HDX: variants seen among roughly 807,000 people sequenced by gnomAD.
HDX encodes chromosome X open reading frame 43.
Under a neutral mutation model 45.2 loss-of-function variants are expected in HDX, and 19 were observed. The ratio of observed to expected loss-of-function variants is 0.42; its 90% CI spans 0.29 to 0.62. The LOEUF is 0.62. Among genes scored for constraint, HDX ranks in the 20% least tolerant of loss-of-function variants. The probability of loss-of-function intolerance (pLI) is 0.20; values close to 1 mark genes in which losing one functional copy is unlikely to be tolerated. For missense variants in HDX, 532 were observed against 493.9 expected, an observed-to-expected ratio of 1.08 and a Z score of -0.73; for synonymous variants, 188 against 172.8, an observed-to-expected ratio of 1.09 and a Z score of -0.69.
intron 6 of HDX, among the ~76,000 whole-genome samples, chrX:84,356,770 C>T (rs1449457711): frequency 9.2e-6 from 1 of 109,242 alleles, no homozygotes; most frequent in Non-Finnish European, 1.9e-5. Context: ...CTATAGGCGC[C>T]CGCCACCACG....
At chrX:84,383,502 T>C (rs1359556831) in intron 5 of HDX, among the ~76,000 whole-genome samples, 1 of 111,628 alleles carries the variant, frequency 9.0e-6, no homozygotes, top group Non-Finnish European at 1.9e-5. Context: ...ACGGTTATAT[T>C]CAGTAATAAG....
At chrX:84,336,076 A>T (rs998738264) in intron 8 of HDX, among the ~76,000 whole-genome samples, 19 of 110,503 alleles carry the variant, frequency 1.7e-4, no homozygotes, top group African/African-American at 5.2e-4. Flanking sequence ...CAAAAGCAAA[A>T]ACAAAAGGAC....
intron 5 of HDX, among the ~76,000 whole-genome samples, chrX:84,394,268 C>A (rs1413930493): frequency 1.8e-5 from 2 of 111,448 alleles, no homozygotes; most frequent in East Asian, 2.8e-4. Context: ...AGTCCAAATT[C>A]AAGAATATGT....
chrX:84,475,109 T>A, intron 3 of HDX, 142 bp downstream of exon 3: 1 of 460,098 alleles, frequency 2.2e-6, no homozygotes, highest in East Asian at 4.1e-5. Context: ...CCTATTTATT[T>A]TTAAAATAGT....
chrX:84,461,392 G>C (rs1326792768), intron 4 of HDX, among the ~76,000 whole-genome samples: 1 of 111,077 alleles, frequency 9.0e-6, no homozygotes, highest in Non-Finnish European at 1.9e-5. Context: ...ACTCATGCTT[G>C]ACAATATTGC....
intron 9 of HDX, among the ~76,000 whole-genome samples, chrX:84,331,748 G>T (rs2036846774): frequency 9.0e-6 from 1 of 111,322 alleles, no homozygotes; most frequent in African/African-American, 3.3e-5. Context: ...CTTTTCTATG[G>T]ATAGATACAC....
intron 6 of HDX, among the ~76,000 whole-genome samples, chrX:84,356,068 T>C (rs2037473935): frequency 9.0e-6 from 1 of 110,675 alleles, no homozygotes; most frequent in Admixed American, 9.6e-5. Flanking sequence ...TTCCTATACT[T>C]CTTAGAAGTA....
intron 6 of HDX, among the ~76,000 whole-genome samples, chrX:84,358,564 T>TA (rs1327876248): frequency 8.9e-6 from 1 of 111,913 alleles, no homozygotes; most frequent in Non-Finnish European, 1.9e-5. Flanking sequence ...TAGTATACTT[T>TA]AACACATAGC....
chrX:84,468,417 T>G, intron 4 of HDX, 55 bp downstream of exon 4: 4 of 799,014 alleles, frequency 5.0e-6, no homozygotes, highest in Non-Finnish European at 5.2e-6. Context: ...GTCCCAAATC[T>G]AACTGGATAC....
At chrX:84,391,913 T>C (rs1385962984) in intron 5 of HDX, among the ~76,000 whole-genome samples, 1 of 111,826 alleles carries the variant, frequency 8.9e-6, no homozygotes, top group Non-Finnish European at 1.9e-5. Context: ...CTTGATTGCT[T>C]CCTTTGTTGT....
intron 7 of HDX, 24 bp downstream of exon 7, chrX:84,344,226 T>G: frequency 9.2e-7 from 1 of 1,091,129 alleles, no homozygotes; most frequent in East Asian, 3.0e-5. Flanking sequence ...AGGCTATTAT[T>G]AGAAGATTCA....
chrX:84,415,985 C>T (rs1168861734), intron 5 of HDX, among the ~76,000 whole-genome samples: 3 of 112,189 alleles, frequency 2.7e-5, no homozygotes, highest in Non-Finnish European at 5.6e-5. Flanking sequence ...AGGGAGATTA[C>T]TTTGTCTTCT....
intron 1 of HDX, among the ~76,000 whole-genome samples, chrX:84,502,047 A>T (rs756686370): frequency 9.0e-6 from 1 of 111,462 alleles, no homozygotes; most frequent in East Asian, 2.8e-4. Context: ...CTACCCGTCC[A>T]GAAGCGCGTC....
chrX:84,475,453 A>G (rs2040527945), intron 2 of HDX, 56 bp from the exon 3 acceptor site: 28 of 694,540 alleles, frequency 4.0e-5, no homozygotes, highest in Non-Finnish European at 5.6e-5. Flanking sequence ...TATGTGCAGA[A>G]TTTGTACACC....
intron 5 of HDX, among the ~76,000 whole-genome samples, chrX:84,364,628 G>A (rs1294613427): frequency 9.6e-6 from 1 of 103,977 alleles, no homozygotes; most frequent in African/African-American, 3.5e-5. Flanking sequence ...TTAGCCTCCC[G>A]AGTAGCCAGG....
chrX:84,364,685 G>A (rs1384042564), intron 5 of HDX, among the ~76,000 whole-genome samples: 1 of 107,785 alleles, frequency 9.3e-6, no homozygotes, highest in African/African-American at 3.4e-5. Context: ...TGTATTTTTA[G>A]TAAGGATGGG....
intron 5 of HDX, among the ~76,000 whole-genome samples, chrX:84,376,779 A>T (rs2038066999): frequency 8.9e-6 from 1 of 112,401 alleles, no homozygotes; most frequent in Non-Finnish European, 1.9e-5. Flanking sequence ...CTAGTCCCAG[A>T]TTCCTGGATG....
chrX:84,405,982 C>T (rs2147969016), intron 5 of HDX, among the ~76,000 whole-genome samples: 1 of 110,441 alleles, frequency 9.1e-6, no homozygotes, highest in South Asian at 3.8e-4. Flanking sequence ...TAATGTTATA[C>T]AAATAGTTAG....
chrX:84,488,991 TTTGC>T (rs1278415751), intron 1 of HDX, among the ~76,000 whole-genome samples: 1 of 111,423 alleles, frequency 9.0e-6, no homozygotes, highest in Non-Finnish European at 1.9e-5. Flanking sequence ...TCACTCTTAA[TTTGC>T]CGGGTTTTGT....
Sources: gnomAD v4.1 joint callset for allele counts (sites outside exome capture counted in the v4.1 genomes callset) on GRCh38, gnomAD v4.1.1 for gene constraint, MANE v1.5 for transcripts, NCBI Gene and HGNC (gene_info 2026-07-23, HGNC 2026-07-21) for gene names.